ZUP1: variants seen among roughly 807,000 people sequenced by gnomAD.
ZUP1 encodes the protein zinc finger-containing ubiquitin peptidase 1.
Under a neutral mutation model 68.1 loss-of-function variants are expected in ZUP1, and 55 were observed. The ratio of observed to expected loss-of-function variants is 0.81; its 90% CI spans 0.65 to 1.01. ZUP1 has a LOEUF of 1.01. Ranked by LOEUF, ZUP1 falls within the 50% of genes least tolerant of loss-of-function variation. The pLI, the probability that ZUP1 is intolerant of heterozygous loss-of-function variation, is 0.00. For synonymous variants in ZUP1, 223 were observed against 221.5 expected (o/e 1.01, Z -0.06); for missense variants, 684 against 674.9 (o/e 1.01, Z -0.15).
intron 9 of ZUP1, among the ~76,000 whole-genome samples, chr6:116,641,597 C>G (rs372359963): frequency 6.6e-5 from 10 of 152,148 alleles, no homozygotes; most frequent in African/African-American, 2.4e-4. Flanking sequence ...CTACTGGGTA[C>G]ATAACGAAAT....
At chr6:116,654,829 A>C (rs1018555207) in intron 5 of ZUP1, among the ~76,000 whole-genome samples, 10 of 152,108 alleles carry the variant, frequency 6.6e-5, no homozygotes, top group Admixed American at 2.0e-4. Context: ...TAAAACATGT[A>C]TCATCTCATA....
At chr6:116,666,180 T>C (rs186751183) in intron 2 of ZUP1, among the ~76,000 whole-genome samples, 391 of 152,252 alleles carry the variant, frequency 2.6e-3, no homozygotes, top group Middle Eastern at 0.014. Flanking sequence ...GAATACACTT[T>C]TTTTTCCCAA....
chr6:116,666,609 A>C (rs781606340), intron 2 of ZUP1, 25 bp downstream of exon 2: 1 of 1,516,760 alleles, frequency 6.6e-7, no homozygotes, highest in Non-Finnish European at 8.8e-7. Context: ...TAAACTTATA[A>C]TTTATAATGA....
At chr6:116,636,721 A>G (rs1775919119) in intron 9 of ZUP1, among the ~76,000 whole-genome samples, 1 of 152,208 alleles carries the variant, frequency 6.6e-6, no homozygotes, top group Non-Finnish European at 1.5e-5. Flanking sequence ...AATCATAAGT[A>G]CAAATATGAA....
chr6:116,660,964 A>G (rs1776820005), intron 2 of ZUP1, 118 bp from the exon 3 acceptor site: 1 of 589,556 alleles, frequency 1.7e-6, no homozygotes, highest in Non-Finnish European at 2.9e-6. Context: ...CAGTGGCACC[A>G]TCACGGCTCA....
At chr6:116,660,484 A>G in intron 3 of ZUP1, 2 of 352,360 alleles carry the variant, frequency 5.7e-6, no homozygotes, top group South Asian at 1.1e-4. Flanking sequence ...TTTTGGTTAT[A>G]TAGTTCACAT....
chr6:116,652,982 A>C (rs940656426), intron 5 of ZUP1, among the ~76,000 whole-genome samples: 1 of 152,064 alleles, frequency 6.6e-6, no homozygotes, highest in Non-Finnish European at 1.5e-5. Flanking sequence ...GTTTTATTAA[A>C]TTTTCAAATT....
chr6:116,645,568 G>A lies in ZUP1; in HGVS notation c.1689+146C>T, dbSNP rs566889759. On this transcript the variant is annotated intron_variant, in intron 9 of 9. Coordinates refer to ENST00000368576, the MANE Select transcript of ZUP1 (RefSeq NM_145062.3). ...ACTGCACTCAGGCCTGGTCAACAGA[G>A]TGAGACCCTGTCTCCAAAAAAAAAA... 7.2e-4 allele frequency: 441 copies of A among 616,228 alleles called. 3 individuals are homozygous for A. In the African/African-American group the frequency reaches 8.1e-3, roughly 11 times the overall value. The allele number at this position is 616,228 out of a possible 1,614,324, so 38.2% of individuals were successfully genotyped here.
intron 2 of ZUP1, among the ~76,000 whole-genome samples, chr6:116,662,636 T>A (rs1776878981): frequency 6.6e-6 from 1 of 152,144 alleles, no homozygotes; most frequent in African/African-American, 2.4e-5. Flanking sequence ...TCAGTCAGCT[T>A]CTCTATACAC....
intron 5 of ZUP1, among the ~76,000 whole-genome samples, chr6:116,653,839 T>G (rs1413432536): frequency 6.6e-6 from 1 of 151,952 alleles, no homozygotes; most frequent in African/African-American, 2.4e-5. Flanking sequence ...ACATATCAGA[T>G]GGAGAGCAAC....
chr6:116,642,716 C>T (rs1480279133), intron 9 of ZUP1, among the ~76,000 whole-genome samples: 1 of 152,002 alleles, frequency 6.6e-6, no homozygotes, highest in African/African-American at 2.4e-5. Flanking sequence ...TATGACAAAC[C>T]CACAGCCAAT....
intron 2 of ZUP1, among the ~76,000 whole-genome samples, 199 bp from the exon 3 acceptor site, chr6:116,661,045 AT>A (rs962304223): frequency 1.3e-3 from 181 of 144,790 alleles, no homozygotes; most frequent in Middle Eastern, 3.6e-3. Flanking sequence ...CGCCCAGCTA[AT>A]TTTTTTTTTT....
rs1002399905 is a variant in ZUP1, at chr6:116,645,801, C to A, written c.1602G>T (p.Lys534Asn). 6.2e-7 allele frequency: 1 copy of A among 1,613,876 alleles called. No homozygotes were observed. Among genetic ancestry groups the A allele is most frequent in the South Asian group, 1.1e-5 (1 of 91,074 alleles). ...LKQDIEASSL[K>N]QLRKSMGNLK... ...AATTTCCCATAGATTTCCGAAGTTG[C>A]TTGAGACTGCTAGCCTCTATGTCTT... is the stretch of plus-strand genomic sequence containing the variant. The change falls in exon 9 of 10, where the codon AAG becomes AAT. Residue 534 changes from lysine (K) to asparagine (N), a missense_variant. Transcript: ENST00000368576.
At chr6:116,653,025 G>A (rs149018666) in intron 5 of ZUP1, among the ~76,000 whole-genome samples, 78 of 152,004 alleles carry the variant, frequency 5.1e-4, no homozygotes, top group African/African-American at 1.8e-3. Flanking sequence ...AATACACCTG[G>A]CACTATCTAA....
chr6:116,664,469 G>A (rs1036533704), intron 2 of ZUP1, among the ~76,000 whole-genome samples: 3 of 150,600 alleles, frequency 2.0e-5, no homozygotes, highest in Middle Eastern at 6.9e-3. Flanking sequence ...TGTATTAAAG[G>A]ATACAAAAGA....
At chr6:116,662,251 C>T (rs1271736362) in intron 2 of ZUP1, among the ~76,000 whole-genome samples, 2 of 152,160 alleles carry the variant, frequency 1.3e-5, no homozygotes, top group Non-Finnish European at 2.9e-5. Flanking sequence ...AGAGCCAGAG[C>T]CAATGCCAAG....
At chr6:116,641,836 A>G (rs921956269) in intron 9 of ZUP1, among the ~76,000 whole-genome samples, 1 of 152,154 alleles carries the variant, frequency 6.6e-6, no homozygotes, top group Admixed American at 6.5e-5. Context: ...AAATAACTAA[A>G]ATCAGAGCAG....
At chr6:116,648,258 T>C (rs1277014807) in intron 7 of ZUP1, among the ~76,000 whole-genome samples, 3 of 152,218 alleles carry the variant, frequency 2.0e-5, no homozygotes, top group Non-Finnish European at 4.4e-5. Context: ...AAACACTGTT[T>C]ATACTACTCA....
At chr6:116,646,005 T>A (rs531313853) in intron 8 of ZUP1, 71 bp from the exon 9 acceptor site, 1 of 1,086,280 alleles carries the variant, frequency 9.2e-7, no homozygotes, top group East Asian at 2.4e-5. Flanking sequence ...TCTGTATGTA[T>A]GTTGTGTGAT....
Sources: allele counts gnomAD v4.1 joint callset (sites outside exome capture counted in the v4.1 genomes callset), GRCh38; gene constraint gnomAD v4.1.1; transcripts MANE v1.5; gene names NCBI Gene and HGNC (gene_info 2026-07-23, HGNC 2026-07-21).